Variants in C7 observed in about 807,000 individuals in gnomAD.
C7 encodes complement component C7.
C7 carries 83 observed loss-of-function variants against 104.8 expected under a neutral mutation model. The ratio of observed to expected loss-of-function variants is 0.79; its 90% CI spans 0.66 to 0.95. The LOEUF is 0.95. Ranked by LOEUF, C7 falls within the 40% of genes least tolerant of loss-of-function variation. C7 has a pLI of 0.00. For synonymous variants in C7, 415 were observed against 360.6 expected (o/e 1.15, Z -1.71); for missense variants, 1,070 against 1,011.2 (o/e 1.06, Z -0.79).
chr5:40,958,867 T>G (rs568121419), intron 11 of C7, among the ~76,000 whole-genome samples: 2 of 152,220 alleles, frequency 1.3e-5, no homozygotes, highest in Non-Finnish European at 2.9e-5. Context: ...TTTGATTCCT[T>G]TCTTTATTCC....
chr5:40,942,767 TC>T (rs1351242005), intron 6 of C7, among the ~76,000 whole-genome samples: 2 of 151,052 alleles, frequency 1.3e-5, no homozygotes, highest in Admixed American at 1.3e-4. Context: ...TTTCTTTCTT[TC>T]TTTTTTTTTT....
chr5:40,940,282 A>T (rs1217372674), intron 6 of C7, among the ~76,000 whole-genome samples: 3 of 152,196 alleles, frequency 2.0e-5, no homozygotes, highest in Non-Finnish European at 4.4e-5. Flanking sequence ...CGAGTAAGCT[A>T]CTTAACTTTG....
intron 9 of C7, among the ~76,000 whole-genome samples, chr5:40,950,688 T>C (rs1024782222): frequency 2.0e-5 from 3 of 152,200 alleles, no homozygotes; most frequent in African/African-American, 7.2e-5. Flanking sequence ...ATCTCCTCTG[T>C]ATTATAAATA....
intron 6 of C7, among the ~76,000 whole-genome samples, chr5:40,940,703 A>G (rs755288691): frequency 2.0e-5 from 3 of 152,244 alleles, no homozygotes; most frequent in Non-Finnish European, 4.4e-5. Context: ...CTCACATATA[A>G]GAACGCTTTG....
chr5:40,960,717 A>G (rs936805189), intron 12 of C7, among the ~76,000 whole-genome samples: 7 of 152,198 alleles, frequency 4.6e-5, no homozygotes, highest in Admixed American at 4.6e-4. Flanking sequence ...CAGTTTCCTC[A>G]AAGTATGGCA....
intron 3 of C7, among the ~76,000 whole-genome samples, chr5:40,933,940 C>T (rs1193172161): frequency 4.2e-5 from 6 of 142,686 alleles, no homozygotes; most frequent in African/African-American, 7.7e-5. Context: ...TTTTTCTTTT[C>T]TTTTTTTTTT....
At chr5:40,966,319 A>T (rs1198341188) in intron 14 of C7, among the ~76,000 whole-genome samples, 2 of 151,132 alleles carry the variant, frequency 1.3e-5, no homozygotes, top group Non-Finnish European at 2.9e-5. Flanking sequence ...ATGCCTTTGC[A>T]TCCTCATAGC....
intron 1 of C7, among the ~76,000 whole-genome samples, chr5:40,926,398 T>C (rs1166016569): frequency 6.6e-6 from 1 of 152,090 alleles, no homozygotes; most frequent in Non-Finnish European, 1.5e-5. Flanking sequence ...TTCAACATAG[T>C]ATTGGAAATT....
At position 40,959,629 on chromosome 5, in the gene C7, G is replaced by C; in HGVS notation, c.1661+9G>C. 2 of 1,570,682 alleles carry C rather than the reference G, an allele frequency of 1.3e-6. No homozygotes were observed. Among genetic ancestry groups the C allele is most frequent in the Non-Finnish European group, 1.7e-6 (2 of 1,158,746 alleles). On this transcript the variant is annotated intron_variant, in intron 12 of 17. Coordinates refer to ENST00000313164, the MANE Select transcript of C7 (RefSeq NM_000587.4). ...GAGCTGGAGCACTTGAGGTAATGGAGACCCGACCCCCTGGCAGTTGCATAG... is the reference window on the plus strand; with the variant it reads ...GAGCTGGAGCACTTGAGGTAATGGACACCCGACCCCCTGGCAGTTGCATAG...
intron 5 of C7, chr5:40,937,328 G>C (rs1739836542): frequency 1.3e-5 from 4 of 306,132 alleles, no homozygotes; most frequent in East Asian, 5.4e-5. Context: ...TGGATTTTCT[G>C]AGCCATTAGT....
chr5:40,955,368 TTTGCTTTCTTCTG>T lies in C7; in HGVS notation c.1094-17_1094-5del, dbSNP rs1383679162. On this transcript the variant is annotated splice_polypyrimidine_tract_variant and splice_region_variant and intron_variant, in intron 9 of 17. Transcript: ENST00000313164. ...TACTTGATAGACTTTTCACTTTTCA[TTTGCTTTCTTCTG>T]TATAGGAACCCAGAACAATGTATTG... 1.9e-6 allele frequency: 3 copies of T among 1,562,092 alleles called. No homozygotes were observed. Among genetic ancestry groups the T allele is most frequent in the Non-Finnish European group, 2.6e-6 (3 of 1,163,742 alleles).
intron 11 of C7, among the ~76,000 whole-genome samples, chr5:40,958,483 C>T (rs1383617703): frequency 6.6e-6 from 1 of 152,190 alleles, no homozygotes; most frequent in Non-Finnish European, 1.5e-5. Context: ...ACTGTGCCCT[C>T]CACTTCCCAT....
chr5:40,927,927 T>C (rs1041927964), intron 1 of C7, among the ~76,000 whole-genome samples: 1 of 152,144 alleles, frequency 6.6e-6, no homozygotes, highest in East Asian at 1.9e-4. Context: ...TCATATGATC[T>C]AGCAATCCTA....
Position 40,949,936 on chromosome 5 carries a change from T to G in C7, c.1015T>G (p.Ser339Ala). ...FNSVEEKKCK[S>A]SGWHFVVKFS... ...TTCAGTCGAAGAAAAGAAATGTAAATCCTCAGGTTGGCATTTTGTCGTTAA... is the reference window on the plus strand; with the variant it reads ...TTCAGTCGAAGAAAAGAAATGTAAAGCCTCAGGTTGGCATTTTGTCGTTAA... The change falls in exon 9 of 18, where the codon TCC becomes GCC. Residue 339 changes from serine to alanine, a missense_variant. By Grantham distance (99) the Ser-to-Ala change is moderately conservative. Coordinates refer to ENST00000313164, the MANE Select transcript of C7 (RefSeq NM_000587.4). 1 of 1,598,314 alleles carries G rather than the reference T, an allele frequency of 6.3e-7. No homozygotes were observed. Among genetic ancestry groups the G allele is most frequent in the East Asian group, 2.2e-5 (1 of 44,630 alleles).
In C7 at chr5:40,969,406, G is replaced by GT. The variant is rs201329000; in HGVS notation, c.1883-2989dup. On this transcript the variant is annotated intron_variant, in intron 14 of 17. Coordinates refer to ENST00000313164, the MANE Select transcript of C7 (RefSeq NM_000587.4). ...CTGTTACTGTAAGTCTGTTTCTATTGTTTTTTTTGGTTGGAATTTGGTCAA... is the reference window on the plus strand; with the variant it reads ...CTGTTACTGTAAGTCTGTTTCTATTGTTTTTTTTTGGTTGGAATTTGGTCAA... Among the ~76,000 whole-genome samples, 91 of 149,498 alleles carry GT rather than the reference G, an allele frequency of 6.1e-4. 2 individuals carry two copies. The East Asian group carries it at 0.017, about 27-fold the overall frequency.
At chr5:40,954,582 A>T (rs117555096) in intron 9 of C7, among the ~76,000 whole-genome samples, 1 of 151,776 alleles carries the variant, frequency 6.6e-6, no homozygotes, top group Non-Finnish European at 1.5e-5. Context: ...TTTCTTTTTT[A>T]AAAAATATAC....
rs1442986794 is a variant in C7 at position 40,983,031 on chromosome 5, T to C, written c.*1458T>C. 6.6e-6 allele frequency: 1 copy of C among 152,382 alleles called. No homozygotes were observed. The highest frequency in any genetic ancestry group is 1.5e-5 in the Non-Finnish European group (1 of 68,044). 9.4% of individuals were successfully genotyped at this position (152,382 alleles called of 1,614,324 possible). A position where few individuals can be genotyped will look rare whatever the true frequency, so the allele number is the denominator to read the frequency against. ...CCTGAAGTTTTATGTCTGATCCAGA[T>C]CTAGCTTTTTGTATCAAAGTGTGCC... On this transcript the variant is annotated 3_prime_UTR_variant, in exon 18 of 18. Coordinates refer to ENST00000313164, the MANE Select transcript of C7 (RefSeq NM_000587.4).
rs1482400857 is a variant in C7, at chr5:40,962,189, A to AT, written c.1749+24dup. On this transcript the variant is annotated intron_variant, in intron 13 of 17. Transcript: ENST00000313164. ...TTTGTTCAAGTTGGTTATGAAAGAT[A>AT]TTTTTTTCCTTTATAATGCTCTAAC... 60 of 1,438,932 alleles carry AT rather than the reference A, an allele frequency of 4.2e-5. No individual in the cohort carries two copies. The highest frequency in any genetic ancestry group is 2.8e-4 in the African/African-American group (20 of 71,606). 89.1% of individuals were successfully genotyped at this position (1,438,932 alleles called of 1,614,324 possible).
At chr5:40,918,723 G>A (rs1739377441) in intron 1 of C7, among the ~76,000 whole-genome samples, 3 of 151,416 alleles carry the variant, frequency 2.0e-5, no homozygotes, top group Middle Eastern at 6.8e-3. Context: ...TGATGATAAA[G>A]GAGTCAACTC....
Sources: gnomAD v4.1 joint callset for allele counts (sites outside exome capture counted in the v4.1 genomes callset) on GRCh38, gnomAD v4.1.1 for gene constraint, MANE v1.5 for transcripts, NCBI Gene and HGNC (gene_info 2026-07-23, HGNC 2026-07-21) for gene names.